Variants in DOCK9 observed in about 807,000 individuals in gnomAD.
DOCK9 encodes the protein dedicator of cytokinesis protein 9.
In DOCK9, 89 loss-of-function variants were observed where a neutral mutation model predicts 263.3. That is an observed-to-expected ratio of 0.34 (90% CI 0.28 to 0.40). The LOEUF is 0.40. Ranked by LOEUF, DOCK9 falls within the 10% of genes least tolerant of loss-of-function variation. The pLI, the probability that DOCK9 is intolerant of heterozygous loss-of-function variation, is 1.00. For missense variants in DOCK9, 2,140 were observed against 2,603.4 expected, an observed-to-expected ratio of 0.82 and a Z score of 3.87; for synonymous variants, 976 against 973.1, an observed-to-expected ratio of 1.00 and a Z score of -0.06.
intron 9 of DOCK9, among the ~76,000 whole-genome samples, chr13:98,911,947 G>T (rs61968731): frequency 6.7e-6 from 1 of 148,472 alleles, no homozygotes; most frequent in East Asian, 2.0e-4. Flanking sequence ...TCAGCTCACT[G>T]CAATCTCTGC....
At chr13:98,849,434 C>CTTTTTTTT (rs34901221) in intron 36 of DOCK9, among the ~76,000 whole-genome samples, 1 of 148,566 alleles carries the variant, frequency 6.7e-6, no homozygotes, top group Non-Finnish European at 1.5e-5. Flanking sequence ...TGCAGAAATT[C>CTTTTTTTT]TTTTTTTTTT....
intron 2 of DOCK9, among the ~76,000 whole-genome samples, chr13:98,952,267 A>C (rs1233239334): frequency 4.1e-5 from 6 of 146,242 alleles, no homozygotes; most frequent in Non-Finnish European, 7.5e-5. Context: ...ATGGAGTCTC[A>C]CTCTGTCGCC....
At chr13:98,924,870 A>C (rs2052662605) in intron 4 of DOCK9, among the ~76,000 whole-genome samples, 1 of 151,740 alleles carries the variant, frequency 6.6e-6, no homozygotes, top group Non-Finnish European at 1.5e-5. Context: ...AAGCGAAATA[A>C]ATCTCTTTTC....
At chr13:99,031,465 A>C (rs147313321) in intron 1 of DOCK9, among the ~76,000 whole-genome samples, 41 of 152,388 alleles carry the variant, frequency 2.7e-4, no homozygotes, top group African/African-American at 9.1e-4. Flanking sequence ...GGATAATATA[A>C]GAAGGAATTA....
intron 1 of DOCK9, among the ~76,000 whole-genome samples, chr13:99,041,318 T>C (rs973933233): frequency 6.6e-6 from 1 of 151,988 alleles, no homozygotes; most frequent in African/African-American, 2.4e-5. Context: ...ACCCTTTCTC[T>C]ACAAAAAATA....
chr13:98,980,876 T>G (rs1877026522), upstream of DOCK9, among the ~76,000 whole-genome samples: 1 of 152,130 alleles, frequency 6.6e-6, no homozygotes, highest in Non-Finnish European at 1.5e-5. Flanking sequence ...CTTCTTGAAG[T>G]TTTTCTATAT....
chr13:98,964,727 G>A (rs542474608), intron 1 of DOCK9, among the ~76,000 whole-genome samples: 3 of 152,150 alleles, frequency 2.0e-5, no homozygotes, highest in Non-Finnish European at 4.4e-5. Flanking sequence ...GGGGTCCCAG[G>A]CTCCACAGGT....
At chr13:98,928,171 GAA>G (rs1307835569) in intron 3 of DOCK9, among the ~76,000 whole-genome samples, 2 of 152,342 alleles carry the variant, frequency 1.3e-5, no homozygotes, top group African/African-American at 2.4e-5. Flanking sequence ...TGGGGATGCA[GAA>G]AGTCTAGGAG....
intron 1 of DOCK9, among the ~76,000 whole-genome samples, chr13:98,987,535 T>C (rs2141667891): frequency 6.6e-6 from 1 of 152,274 alleles, no homozygotes; most frequent in Non-Finnish European, 1.5e-5. Flanking sequence ...TTTACGATGT[T>C]ACATAAGCAT....
At position 99,054,026 on chromosome 13, in the gene DOCK9, CA is replaced by C. The variant is rs561163096; in HGVS notation, c.129+32196del. Among the ~76,000 whole-genome samples the C allele has an allele frequency of 3.0e-3, 456 of 152,302 alleles. 7 individuals are homozygous for C. The highest frequency in any genetic ancestry group is 0.017 in the Middle Eastern group (5 of 294). ...GGGGAGTCATGAAGAAGTCAAAAGCCAAAACCAGGGGTGAATTTCTGCATAG... is the reference window on the plus strand; with the variant it reads ...GGGGAGTCATGAAGAAGTCAAAAGCCAAACCAGGGGTGAATTTCTGCATAG... On this transcript the variant is annotated intron_variant, in intron 1 of 32. Coordinates refer to the DOCK9 transcript ENST00000427887.
At chr13:98,908,274 A>C (rs2049420477) in intron 9 of DOCK9, among the ~76,000 whole-genome samples, 1 of 152,244 alleles carries the variant, frequency 6.6e-6, no homozygotes, top group African/African-American at 2.4e-5. Context: ...GATGCAGAGA[A>C]ACAGAAATGT....
intron 45 of DOCK9, among the ~76,000 whole-genome samples, chr13:98,816,900 G>A (rs1163060052): frequency 6.6e-6 from 1 of 152,046 alleles, no homozygotes; most frequent in Admixed American, 6.6e-5. Context: ...AGGCTGTGGA[G>A]GTGGGAAGGG....
At chr13:99,076,595 G>C (rs1280348591) in intron 1 of DOCK9, among the ~76,000 whole-genome samples, 1 of 152,188 alleles carries the variant, frequency 6.6e-6, no homozygotes, top group African/African-American at 2.4e-5. Flanking sequence ...ATATGATAGA[G>C]CCTGTGCATT....
Position 99,080,851 on chromosome 13 carries a change from G to A in DOCK9, c.129+5372C>T, listed in dbSNP as rs373502936. Reference sequence around the variant, plus strand: ...CCTGTTTAGATCATAAACCCTACACGGGCAAGGGCCTACTCTGACATGGTA... The same window carrying A: ...CCTGTTTAGATCATAAACCCTACACAGGCAAGGGCCTACTCTGACATGGTA... On this transcript the variant is annotated intron_variant, in intron 1 of 32. Transcript: ENST00000427887. Among the ~76,000 whole-genome samples the A allele has an allele frequency of 3.4e-4, 51 of 152,204 alleles. No homozygotes were observed. The East Asian group carries it at 4.4e-3, about 13-fold the overall frequency.
At chr13:98,940,664 C>G (rs2055675645) in intron 2 of DOCK9, among the ~76,000 whole-genome samples, 1 of 151,518 alleles carries the variant, frequency 6.6e-6, no homozygotes, top group South Asian at 2.1e-4. Flanking sequence ...TGTTGGTGGT[C>G]TTGAGGTGGG....
chr13:99,085,626 C>T (rs767454434), intron 1 of DOCK9, among the ~76,000 whole-genome samples: 4 of 152,196 alleles, frequency 2.6e-5, no homozygotes, highest in Non-Finnish European at 4.4e-5. Context: ...GGGTTCCCAT[C>T]ATGCCCCCCA....
chr13:98,901,547 A>G (rs1009694661), intron 13 of DOCK9, among the ~76,000 whole-genome samples: 5 of 152,234 alleles, frequency 3.3e-5, no homozygotes, highest in Non-Finnish European at 7.3e-5. Flanking sequence ...TTTGCAAATT[A>G]TTTTAGGATG....
At chr13:98,907,456 T>G (rs1416523709) in intron 9 of DOCK9, among the ~76,000 whole-genome samples, 1 of 152,134 alleles carries the variant, frequency 6.6e-6, no homozygotes, top group East Asian at 1.9e-4. Context: ...ATGAGCTCGG[T>G]ATAATTAAAG....
intron 1 of DOCK9, among the ~76,000 whole-genome samples, chr13:98,997,795 C>T (rs1324651144): frequency 1.3e-5 from 2 of 152,206 alleles, no homozygotes; most frequent in South Asian, 2.1e-4. Context: ...CAATAGAAAA[C>T]ATTTCCATGT....
Sources: gnomAD v4.1 joint callset for allele counts (sites outside exome capture counted in the v4.1 genomes callset) on GRCh38, gnomAD v4.1.1 for gene constraint, MANE v1.5 for transcripts, NCBI Gene and HGNC (gene_info 2026-07-23, HGNC 2026-07-21) for gene names.